The following ATF2 variants were observed in gnomAD, a reference collection of about 807,000 sequenced individuals.
ATF2 encodes the protein cyclic AMP-dependent transcription factor ATF-2.
In ATF2, 24 loss-of-function variants were observed where a neutral mutation model predicts 60.6. The ratio of observed to expected loss-of-function variants is 0.40; its 90% confidence interval spans 0.29 to 0.56. ATF2 has a LOEUF of 0.56. Ranked by LOEUF, ATF2 falls within the 20% of genes least tolerant of loss-of-function variation. ATF2 has a pLI of 0.54. For synonymous variants in ATF2, 206 were observed against 215.4 expected (o/e 0.96, Z 0.38); for missense variants, 433 against 607.7 (o/e 0.71, Z 3.02).
intron 12 of ATF2, among the ~76,000 whole-genome samples, chr2:175,092,032 T>C (rs1341796933): frequency 6.6e-6 from 1 of 152,194 alleles, no homozygotes; most frequent in Non-Finnish European, 1.5e-5. Flanking sequence ...AGACAATCTA[T>C]TTGTTCTATC....
chr2:175,075,037 G>A (rs1693200339), intron 13 of ATF2: 1 of 1,439,392 alleles, frequency 6.9e-7, no homozygotes. Flanking sequence ...CATGCATATG[G>A]AAACATCTGG....
intron 5 of ATF2, among the ~76,000 whole-genome samples, chr2:175,120,188 T>G (rs1265145436): frequency 6.6e-6 from 1 of 151,628 alleles, no homozygotes; most frequent in Non-Finnish European, 1.5e-5. Context: ...GCAGAAAGTT[T>G]CAGAGAAACA....
intron 2 of ATF2, among the ~76,000 whole-genome samples, chr2:175,146,470 C>G (rs919224478): frequency 2.0e-5 from 3 of 152,000 alleles, no homozygotes; most frequent in South Asian, 2.1e-4. Context: ...ATTGTAGAAC[C>G]CTTAAAGAGT....
intron 3 of ATF2, among the ~76,000 whole-genome samples, chr2:175,135,685 C>A (rs1379241775): frequency 6.6e-6 from 1 of 152,126 alleles, no homozygotes; most frequent in African/African-American, 2.4e-5. Context: ...AAATTAAGGA[C>A]CTTTTTGGAT....
chr2:175,161,899 T>A (rs941102981), intron 1 of ATF2, among the ~76,000 whole-genome samples: 10 of 152,098 alleles, frequency 6.6e-5, no homozygotes, highest in African/African-American at 2.2e-4. Context: ...TAGCTGAGAT[T>A]ACAGGCACCC....
chr2:175,158,579 C>T (rs1181071684), intron 1 of ATF2, among the ~76,000 whole-genome samples: 3 of 151,832 alleles, frequency 2.0e-5, no homozygotes, highest in South Asian at 4.1e-4. Context: ...AAGAAGCAAA[C>T]GTCTGGGGGG....
At chr2:175,084,625 G>A (rs1284152123) in intron 12 of ATF2, among the ~76,000 whole-genome samples, 1 of 145,098 alleles carries the variant, frequency 6.9e-6, no homozygotes, top group Admixed American at 7.1e-5. Flanking sequence ...GCACATGTAC[G>A]CTAAAACTTA....
At chr2:175,091,373 G>GA (rs1485520437) in intron 12 of ATF2, among the ~76,000 whole-genome samples, 3 of 151,006 alleles carry the variant, frequency 2.0e-5, no homozygotes, top group African/African-American at 4.9e-5. Flanking sequence ...GTTAAGAACA[G>GA]AAAAAAAATA....
chr2:175,120,296 T>G (rs570151447), intron 5 of ATF2, among the ~76,000 whole-genome samples: 1 of 148,002 alleles, frequency 6.8e-6, no homozygotes, highest in Non-Finnish European at 1.5e-5. Flanking sequence ...TGTAAAATAC[T>G]CCAAAAAAAA....
intron 2 of ATF2, among the ~76,000 whole-genome samples, chr2:175,139,438 G>A (rs533995714): frequency 1.3e-5 from 2 of 152,144 alleles, no homozygotes; most frequent in African/African-American, 2.4e-5. Context: ...TTGGGAGGCC[G>A]AGGCGGGCAA....
At chr2:175,133,085 T>C (rs1697855723) in intron 3 of ATF2, among the ~76,000 whole-genome samples, 1 of 148,866 alleles carries the variant, frequency 6.7e-6, no homozygotes, top group Non-Finnish European at 1.5e-5. Context: ...TGAGACTCTG[T>C]CTCAAAAAAA....
At chr2:175,133,504 T>G (rs1697898501) in intron 3 of ATF2, among the ~76,000 whole-genome samples, 1 of 152,190 alleles carries the variant, frequency 6.6e-6, no homozygotes, top group Non-Finnish European at 1.5e-5. Flanking sequence ...TATCAGTGCT[T>G]TAGATCAATG....
At chr2:175,117,316 T>G (rs1307640497) in intron 7 of ATF2, among the ~76,000 whole-genome samples, 1 of 152,074 alleles carries the variant, frequency 6.6e-6, no homozygotes, top group Non-Finnish European at 1.5e-5. Flanking sequence ...TCCTCTGCCA[T>G]GACAGAAGTC....
intron 2 of ATF2, among the ~76,000 whole-genome samples, chr2:175,140,821 C>T (rs971419369): frequency 1.0e-5 from 1 of 97,894 alleles, no homozygotes; most frequent in African/African-American, 3.7e-5. Flanking sequence ...TGTCTCTATA[C>T]AAAAAAAAAA....
chr2:175,088,152 T>G (rs1694292904), intron 12 of ATF2, among the ~76,000 whole-genome samples: 1 of 152,158 alleles, frequency 6.6e-6, no homozygotes, highest in South Asian at 2.1e-4. Flanking sequence ...AGATTCTTAG[T>G]AAAAGCTTCA....
intron 10 of ATF2, among the ~76,000 whole-genome samples, chr2:175,099,951 C>T (rs1695198155): frequency 2.0e-5 from 3 of 152,216 alleles, no homozygotes; most frequent in Admixed American, 2.0e-4. Flanking sequence ...ATTTAGAGTG[C>T]CAAACCTGTT....
At chr2:175,154,484 A>T (rs917847836) in intron 1 of ATF2, among the ~76,000 whole-genome samples, 8 of 151,410 alleles carry the variant, frequency 5.3e-5, no homozygotes, top group South Asian at 2.1e-4. Context: ...CTTTTTTTTA[A>T]AAAAAAGTAA....
rs61440218 is a variant in ATF2, at chr2:175,094,403, G to GAAAAAAAAAAAAAA, written c.979-1150_979-1137dup. Among the ~76,000 whole-genome samples, 489 of 61,142 alleles carry GAAAAAAAAAAAAAA rather than the reference G, an allele frequency of 8.0e-3. 6 individuals are homozygous for GAAAAAAAAAAAAAA. The highest frequency in any genetic ancestry group is 0.012 in the East Asian group (16 of 1,332). 40.1% of individuals were successfully genotyped at this position (61,142 alleles called of 152,430 possible). On this transcript the variant is annotated intron_variant, in intron 11 of 13. Coordinates refer to ENST00000264110, the MANE Select transcript of ATF2 (RefSeq NM_001880.4). Reference sequence around the variant, plus strand: ...AGCGAGACTCAGTCTCAAAAAATACGAAAAAAAAAAAAAAAAAAAAAAAAA... The same window carrying GAAAAAAAAAAAAAA: ...AGCGAGACTCAGTCTCAAAAAATACGAAAAAAAAAAAAAAAAAAAAAAAAAAAAAAAAAAAAAAA...
At chr2:175,104,061 A>G (rs1383280561) in intron 10 of ATF2, among the ~76,000 whole-genome samples, 1 of 143,570 alleles carries the variant, frequency 7.0e-6, no homozygotes, top group Admixed American at 7.0e-5. Context: ...TTTTTTTTTT[A>G]GCAGAAAAGA....
Sources: allele counts gnomAD v4.1 joint callset (sites outside exome capture counted in the v4.1 genomes callset), GRCh38; gene constraint gnomAD v4.1.1; transcripts MANE v1.5; gene names NCBI Gene and HGNC (gene_info 2026-07-23, HGNC 2026-07-21).